The following TMTC1 variants were observed in gnomAD, a reference collection of about 807,000 sequenced individuals.
The protein encoded by TMTC1 is transmembrane O-mannosyltransferase targeting cadherins 1, also known as protein O-mannosyl-transferase TMTC1.
A neutral mutation model predicts 104.8 loss-of-function variants in TMTC1; 73 were observed. That is an observed-to-expected ratio of 0.70 (90% CI 0.58 to 0.85). TMTC1 has a LOEUF of 0.85. Ranked by LOEUF, TMTC1 falls within the 40% of genes least tolerant of loss-of-function variation. The pLI is 0.00. For missense variants in TMTC1, 1,035 were observed against 1,096.1 expected, an observed-to-expected ratio of 0.94 and a Z score of 0.79; for synonymous variants, 434 against 428.7, an observed-to-expected ratio of 1.01 and a Z score of -0.15.
intron 5 of TMTC1, among the ~76,000 whole-genome samples, chr12:29,678,742 G>A (rs1424049145): frequency 6.6e-6 from 1 of 152,122 alleles, no homozygotes; most frequent in Non-Finnish European, 1.5e-5. Flanking sequence ...AAACAAATGT[G>A]AGATGCTCTA....
Position 29,512,136 on chromosome 12 carries a change from A to G in TMTC1, c.2431-16T>C. On this transcript the variant is annotated splice_polypyrimidine_tract_variant and intron_variant, in intron 16 of 17. Coordinates refer to ENST00000539277, the MANE Select transcript of TMTC1 (RefSeq NM_001193451.2). ...CTCTATAGCTCTAAATAAATAAGAA[A>G]TATCCTCAGGTTAGGAAACAAACCT... 1.3e-6 allele frequency: 2 copies of G among 1,597,076 alleles called. No homozygotes were observed. The highest frequency in any genetic ancestry group is 2.7e-5 in the African/African-American group (2 of 74,326).
chr12:29,710,932 TTAATAATATATAAATATATATATAA>T (rs1565786434), intron 5 of TMTC1, among the ~76,000 whole-genome samples: 18 of 15,550 alleles, frequency 1.2e-3, no homozygotes, highest in South Asian at 6.8e-3. Flanking sequence ...TATAAATATA[TTAATAATATATAAATATATATATAA>T]ATATATTAAT....
At chr12:29,659,060 A>G (rs919705640) in intron 5 of TMTC1, among the ~76,000 whole-genome samples, 3 of 152,248 alleles carry the variant, frequency 2.0e-5, no homozygotes, top group Non-Finnish European at 2.9e-5. Flanking sequence ...AATTAACTGT[A>G]TCTTAGCAAA....
chr12:29,758,889 A>G, intron 2 of TMTC1, 112 bp from the exon 3 acceptor site: 1 of 934,038 alleles, frequency 1.1e-6, no homozygotes. Flanking sequence ...AAGATATAAT[A>G]AAATAGAAAT....
chr12:29,717,673 C>T (rs1251983730), intron 5 of TMTC1, among the ~76,000 whole-genome samples: 1 of 152,096 alleles, frequency 6.6e-6, no homozygotes, highest in African/African-American at 2.4e-5. Flanking sequence ...AGTTTAAATG[C>T]CTCATATTAG....
At chr12:29,655,811 A>T (rs957175177) in intron 5 of TMTC1, among the ~76,000 whole-genome samples, 1 of 152,232 alleles carries the variant, frequency 6.6e-6, no homozygotes, top group African/African-American at 2.4e-5. Flanking sequence ...TAGGATTTTT[A>T]AAAATTACAT....
intron 5 of TMTC1, among the ~76,000 whole-genome samples, chr12:29,648,141 A>T (rs1235169014): frequency 6.6e-6 from 1 of 152,262 alleles, no homozygotes; most frequent in South Asian, 2.1e-4. Context: ...CTGACAGGAC[A>T]GGTTACACAT....
chr12:29,552,074 C>T (rs1051096207), intron 10 of TMTC1, among the ~76,000 whole-genome samples: 3 of 152,146 alleles, frequency 2.0e-5, no homozygotes, highest in African/African-American at 7.2e-5. Flanking sequence ...CTTGGATGCT[C>T]TGATAGAGTC....
At chr12:29,696,251 A>T (rs1010056406) in intron 5 of TMTC1, among the ~76,000 whole-genome samples, 11 of 152,184 alleles carry the variant, frequency 7.2e-5, no homozygotes, top group African/African-American at 2.7e-4. Context: ...ATCTAGCTCT[A>T]AGTCACTGCA....
intron 5 of TMTC1, among the ~76,000 whole-genome samples, chr12:29,713,714 A>T: frequency 6.6e-6 from 1 of 152,210 alleles, no homozygotes; most frequent in East Asian, 1.9e-4. Context: ...AAATACTATT[A>T]GGTATTTTCA....
chr12:29,565,601 C>G (rs2136283391), intron 9 of TMTC1, among the ~76,000 whole-genome samples: 1 of 152,312 alleles, frequency 6.6e-6, no homozygotes, highest in South Asian at 2.1e-4. Flanking sequence ...AACCCCAGCA[C>G]TTTGGGAGGT....
chr12:29,670,933 T>A (rs146980597), intron 5 of TMTC1, among the ~76,000 whole-genome samples: 511 of 41,146 alleles, frequency 0.012, 22 homozygotes, highest in African/African-American at 0.06. Context: ...AGACTCTGTC[T>A]CAAAAAAAAA....
At chr12:29,602,888 G>A (rs1946604508) in intron 7 of TMTC1, among the ~76,000 whole-genome samples, 1 of 152,086 alleles carries the variant, frequency 6.6e-6, no homozygotes, top group African/African-American at 2.4e-5. Flanking sequence ...TCTATCAAAT[G>A]AAGAATGATT....
chr12:29,771,505 T>C (rs549529190), intron 1 of TMTC1, among the ~76,000 whole-genome samples: 2 of 152,304 alleles, frequency 1.3e-5, no homozygotes, highest in East Asian at 3.9e-4. Flanking sequence ...ATGTCAGATA[T>C]GATTCAGGGC....
At chr12:29,763,516 A>C (rs527392543) in intron 2 of TMTC1, among the ~76,000 whole-genome samples, 6 of 152,360 alleles carry the variant, frequency 3.9e-5, no homozygotes, top group African/African-American at 1.4e-4. Context: ...TCTTAGCTAC[A>C]TCCTGTGCCA....
chr12:29,568,587 A>C (rs1450861390), intron 9 of TMTC1: 1 of 166,102 alleles, frequency 6.0e-6, no homozygotes, highest in Non-Finnish European at 1.3e-5. Flanking sequence ...TTGACATCAG[A>C]AGATTGGTGA....
intron 16 of TMTC1, among the ~76,000 whole-genome samples, chr12:29,512,659 T>TAA (rs1429149238): frequency 6.6e-6 from 1 of 152,166 alleles, no homozygotes; most frequent in African/African-American, 2.4e-5. Flanking sequence ...TAGACAGTCT[T>TAA]TTTTCCCCTG....
chr12:29,598,990 C>G (rs2136382703), intron 7 of TMTC1, among the ~76,000 whole-genome samples: 1 of 152,296 alleles, frequency 6.6e-6, no homozygotes, highest in South Asian at 2.1e-4. Flanking sequence ...CCCATTCATT[C>G]TTTTCCTCTC....
At chr12:29,570,893 C>CCT (rs1555170691) in intron 9 of TMTC1, among the ~76,000 whole-genome samples, 13 of 147,212 alleles carry the variant, frequency 8.8e-5, no homozygotes, top group Admixed American at 6.7e-5. Context: ...CCCCCCCCCC[C>CCT]GCCAAAACAC....
Sources: gnomAD v4.1 joint callset for allele counts (sites outside exome capture counted in the v4.1 genomes callset) on GRCh38, gnomAD v4.1.1 for gene constraint, MANE v1.5 for transcripts, NCBI Gene and HGNC (gene_info 2026-07-23, HGNC 2026-07-21) for gene names.